The following ZNF385B variants were observed in gnomAD, a reference collection of about 807,000 sequenced individuals.
The protein encoded by ZNF385B is zinc finger protein 533.
Under a neutral mutation model 39.2 loss-of-function variants are expected in ZNF385B, and 23 were observed. The observed-to-expected ratio is 0.59, with a 90% confidence interval of 0.42 to 0.83. The LOEUF (loss-of-function observed/expected upper bound fraction) is 0.83. Among genes scored for constraint, ZNF385B ranks in the 40% least tolerant of loss-of-function variants. The pLI, the probability that ZNF385B is intolerant of heterozygous loss-of-function variation, is 0.00. For synonymous variants in ZNF385B, 205 were observed against 222.6 expected (o/e 0.92, Z 0.70); for missense variants, 552 against 598.9 (o/e 0.92, Z 0.82).
In ZNF385B at chr2:179,854,745, C is replaced by T. The variant is rs369305063; in HGVS notation, c.-155+6356G>A. On this transcript the variant is annotated intron_variant, in intron 1 of 9. Coordinates refer to ENST00000410066, the MANE Select transcript of ZNF385B (RefSeq NM_152520.6). ...AAGCAAAGATTTAGAAGAATTCGCT[C>T]ATTATCTCTCACAATGGGCCTTTTC... Among the ~76,000 whole-genome samples the T allele has an allele frequency of 2.6e-5, 4 of 152,280 alleles. No individual in the cohort carries two copies. In the South Asian group the frequency reaches 6.2e-4, roughly 24 times the overall value.
intron 8 of ZNF385B, among the ~76,000 whole-genome samples, 199 bp from the exon 9 acceptor site, chr2:179,445,176 A>G (rs574453009): frequency 6.6e-6 from 1 of 152,152 alleles, no homozygotes; most frequent in South Asian, 2.1e-4. Flanking sequence ...CCTGTTCTCT[A>G]TAGCCCTTAT....
At chr2:179,466,690 G>A (rs1436153389) in intron 6 of ZNF385B, among the ~76,000 whole-genome samples, 1 of 151,932 alleles carries the variant, frequency 6.6e-6, no homozygotes, top group Non-Finnish European at 1.5e-5. Flanking sequence ...GGAGGCCAAG[G>A]TGGGCAGATC....
intron 1 of ZNF385B, chr2:179,814,450 C>G: frequency 4.1e-6 from 2 of 485,992 alleles, no homozygotes; most frequent in Admixed American, 2.5e-5. Flanking sequence ...ACCAAAGTAC[C>G]TGACTTCAAC....
rs558291220 is a variant in ZNF385B, at chr2:179,666,917, T to A, written c.298+102586A>T. On this transcript the variant is annotated intron_variant, in intron 3 of 9. Coordinates refer to ENST00000410066, the MANE Select transcript of ZNF385B (RefSeq NM_152520.6). ...CTGTAGCTGTTGTTGTTGTTTTTTG[T>A]TTTATCTAGATTCATTTATCATGGT... Among the ~76,000 whole-genome samples the A allele has an allele frequency of 2.0e-5, 3 of 152,196 alleles. No individual in the cohort carries two copies. In the East Asian group the frequency reaches 5.8e-4, roughly 29 times the overall value.
chr2:179,626,342 C>A (rs937681252), intron 3 of ZNF385B, among the ~76,000 whole-genome samples: 3 of 151,984 alleles, frequency 2.0e-5, no homozygotes, highest in African/African-American at 7.3e-5. Flanking sequence ...TTTTAAAGAT[C>A]AAAGGAGATG....
rs542546332 is a variant in ZNF385B, at chr2:179,543,089, T to C, written c.441+1738A>G. Among the ~76,000 whole-genome samples the C allele has an allele frequency of 3.1e-3, 469 of 152,140 alleles. 4 individuals carry two copies. The highest frequency in any genetic ancestry group is 0.011 in the African/African-American group (445 of 41,506). ...GAGTCTGAGAACAGCCTGGCCAACA[T>C]GGCGAAACCCTGTCTCTATTAAAAA... On this transcript the variant is annotated intron_variant, in intron 4 of 9. Coordinates refer to ENST00000410066, the MANE Select transcript of ZNF385B (RefSeq NM_152520.6).
chr2:179,557,921 C>A (rs1458595881), intron 3 of ZNF385B, among the ~76,000 whole-genome samples: 2 of 152,058 alleles, frequency 1.3e-5, no homozygotes, highest in Non-Finnish European at 2.9e-5. Context: ...TTTAATACTT[C>A]TTTTAATATT....
At chr2:179,631,284 C>A (rs1034455998) in intron 3 of ZNF385B, among the ~76,000 whole-genome samples, 18 of 152,168 alleles carry the variant, frequency 1.2e-4, no homozygotes, top group African/African-American at 4.3e-4. Context: ...GGTCAAATTA[C>A]CTACAAAGAG....
At chr2:179,504,667 G>T (rs2057088097) in intron 5 of ZNF385B, among the ~76,000 whole-genome samples, 1 of 151,632 alleles carries the variant, frequency 6.6e-6, no homozygotes, top group Admixed American at 6.6e-5. Flanking sequence ...GTGGGGTGGG[G>T]AGAGGGGGGA....
chr2:179,795,209 C>G (rs903010042), intron 1 of ZNF385B, among the ~76,000 whole-genome samples: 7 of 151,496 alleles, frequency 4.6e-5, no homozygotes, highest in African/African-American at 1.5e-4. Context: ...GAAGGGATGT[C>G]AAATATAGTA....
intron 3 of ZNF385B, among the ~76,000 whole-genome samples, chr2:179,650,823 A>G (rs1422493733): frequency 6.6e-6 from 1 of 152,232 alleles, no homozygotes; most frequent in African/African-American, 2.4e-5. Flanking sequence ...GTGTCACAGC[A>G]CAAGACTTGG....
chr2:179,821,682 T>C (rs1375168040), intron 1 of ZNF385B, among the ~76,000 whole-genome samples: 1 of 152,086 alleles, frequency 6.6e-6, no homozygotes, highest in Non-Finnish European at 1.5e-5. Context: ...ATAGACTAAA[T>C]GACACCTGTT....
intron 3 of ZNF385B, among the ~76,000 whole-genome samples, chr2:179,662,036 C>T (rs978733770): frequency 2.0e-5 from 3 of 152,126 alleles, no homozygotes; most frequent in African/African-American, 7.2e-5. Context: ...TCATTAAATA[C>T]TAAGCCAGCA....
intron 1 of ZNF385B, among the ~76,000 whole-genome samples, chr2:179,786,639 A>C (rs1421286612): frequency 1.3e-5 from 2 of 151,830 alleles, no homozygotes; most frequent in Non-Finnish European, 2.9e-5. Context: ...GGACCACCTA[A>C]AACCACTTCA....
At chr2:179,589,221 G>T (rs79016411) in intron 3 of ZNF385B, among the ~76,000 whole-genome samples, 5,424 of 152,146 alleles carry the variant, frequency 0.036, 156 homozygotes, top group Middle Eastern at 0.061. Context: ...TACCAGGAGG[G>T]AATAAAAATC....
chr2:179,764,327 T>C (rs1703568769), intron 3 of ZNF385B, among the ~76,000 whole-genome samples: 1 of 152,186 alleles, frequency 6.6e-6, no homozygotes, highest in Non-Finnish European at 1.5e-5. Context: ...CCTTTTACTT[T>C]CAACATACCT....
chr2:179,772,092 T>A (rs1704045884), intron 1 of ZNF385B, among the ~76,000 whole-genome samples: 1 of 152,206 alleles, frequency 6.6e-6, no homozygotes, highest in Non-Finnish European at 1.5e-5. Flanking sequence ...TTCCTATGAC[T>A]TTTTTGTTTG....
intron 3 of ZNF385B, among the ~76,000 whole-genome samples, chr2:179,619,025 A>T (rs1175078368): frequency 6.6e-6 from 1 of 152,196 alleles, no homozygotes; most frequent in East Asian, 1.9e-4. Context: ...CTAACAAAAA[A>T]TTTTAAAACA....
intron 5 of ZNF385B, among the ~76,000 whole-genome samples, chr2:179,503,684 G>A (rs974857065): frequency 1.1e-4 from 17 of 151,998 alleles, no homozygotes; most frequent in Admixed American, 9.2e-4. Context: ...GTGTCCAAGT[G>A]TTCTCATTGT....
Sources: allele counts gnomAD v4.1 joint callset (sites outside exome capture counted in the v4.1 genomes callset), GRCh38; gene constraint gnomAD v4.1.1; transcripts MANE v1.5; gene names NCBI Gene and HGNC (gene_info 2026-07-23, HGNC 2026-07-21).